The following ZFHX3 variants were observed in gnomAD, a reference collection of about 807,000 sequenced individuals.
ZFHX3 encodes zinc finger homeobox protein 3.
In ZFHX3, 42 loss-of-function variants were observed where a neutral mutation model predicts 279.1. The observed-to-expected ratio is 0.15, with a 90% CI of 0.12 to 0.19. The LOEUF is 0.19. Among genes scored for constraint, ZFHX3 ranks in the 10% least tolerant of loss-of-function variants. The probability of loss-of-function intolerance (pLI) is 1.00; values close to 1 mark genes in which losing one functional copy is unlikely to be tolerated. For synonymous variants in ZFHX3, 2,293 were observed against 1,957.8 expected (o/e 1.17, Z -4.52); for missense variants, 4,981 against 4,754.0 (o/e 1.05, Z -1.40).
At chr16:73,665,245 G>T (rs956567577) in intron 2 of ZFHX3, among the ~76,000 whole-genome samples, 1 of 140,580 alleles carries the variant, frequency 7.1e-6, no homozygotes, top group East Asian at 2.1e-4. Flanking sequence ...ACAGAGTCTC[G>T]CTCTGTTGCG....
intron 2 of ZFHX3, among the ~76,000 whole-genome samples, chr16:73,549,879 T>C (rs1160263056): frequency 7.2e-5 from 11 of 151,890 alleles, no homozygotes; most frequent in East Asian, 1.9e-4. Context: ...TTTTTTTTTT[T>C]CCCATCAAAA....
chr16:73,319,434 C>T (rs542606066), intron 3 of ZFHX3, among the ~76,000 whole-genome samples: 4 of 152,046 alleles, frequency 2.6e-5, no homozygotes, highest in East Asian at 1.9e-4. Flanking sequence ...GGGTCTAATT[C>T]GGGTCCCACA....
chr16:73,111,201 A>G (rs915997781), intron 7 of ZFHX3, among the ~76,000 whole-genome samples: 2 of 152,202 alleles, frequency 1.3e-5, no homozygotes, highest in Non-Finnish European at 2.9e-5. Context: ...TCAGCCTTCC[A>G]AAGAGTTGGG....
intron 4 of ZFHX3, among the ~76,000 whole-genome samples, chr16:73,265,340 T>C (rs1404855296): frequency 6.6e-6 from 1 of 152,090 alleles, no homozygotes; most frequent in South Asian, 2.1e-4. Flanking sequence ...GGAGCCATGC[T>C]GGTGGGAGGA....
At chr16:73,692,538 C>T (rs906677998) in intron 1 of ZFHX3, among the ~76,000 whole-genome samples, 2 of 152,298 alleles carry the variant, frequency 1.3e-5, no homozygotes, top group East Asian at 3.9e-4. Flanking sequence ...GATTCCAACA[C>T]AGTAACAAAG....
intron 8 of ZFHX3, among the ~76,000 whole-genome samples, chr16:73,080,578 T>C (rs1965931242): frequency 6.6e-6 from 1 of 152,056 alleles, no homozygotes. Flanking sequence ...TGACTTTTTC[T>C]TTGTTTTTTT....
At chr16:73,537,557 T>C (rs935171782) in intron 2 of ZFHX3, among the ~76,000 whole-genome samples, 2 of 152,080 alleles carry the variant, frequency 1.3e-5, no homozygotes, top group South Asian at 4.1e-4. Context: ...ACCTCGTGAT[T>C]CACCCGCCTC....
chr16:73,316,405 C>T (rs935508880), intron 4 of ZFHX3, among the ~76,000 whole-genome samples: 1 of 152,168 alleles, frequency 6.6e-6, no homozygotes. Flanking sequence ...ACCCCCAACA[C>T]TCTTGACTGT....
intron 3 of ZFHX3, among the ~76,000 whole-genome samples, chr16:73,453,739 A>G (rs1394900454): frequency 6.6e-6 from 1 of 152,232 alleles, no homozygotes; most frequent in African/African-American, 2.4e-5. Context: ...ACAGTTCCAC[A>G]TGGCTGGGGA....
chr16:73,509,825 A>C (rs1293772996), intron 2 of ZFHX3, among the ~76,000 whole-genome samples: 1 of 151,744 alleles, frequency 6.6e-6, no homozygotes, highest in Non-Finnish European at 1.5e-5. Flanking sequence ...CCTCCCGAGT[A>C]GCTGGGATCA....
chr16:72,894,146 C>G (rs2038838559), intron 3 of ZFHX3, among the ~76,000 whole-genome samples: 1 of 54,846 alleles, frequency 1.8e-5, no homozygotes, highest in Non-Finnish European at 3.4e-5. Context: ...AAAACTCTGT[C>G]TCAAAAAAAA....
At chr16:73,471,098 T>C (rs944898822) in intron 2 of ZFHX3, among the ~76,000 whole-genome samples, 2 of 152,220 alleles carry the variant, frequency 1.3e-5, no homozygotes, top group Non-Finnish European at 2.9e-5. Context: ...TAATGTCTAA[T>C]GACATCTATT....
intron 3 of ZFHX3, among the ~76,000 whole-genome samples, chr16:72,915,302 T>G (rs751761449): frequency 1.3e-5 from 2 of 152,186 alleles, no homozygotes; most frequent in African/African-American, 4.8e-5. Context: ...TAATACTATA[T>G]TGATCCCATC....
chr16:72,911,701 A>C (rs1256103790), intron 3 of ZFHX3, among the ~76,000 whole-genome samples: 1 of 152,250 alleles, frequency 6.6e-6, no homozygotes, highest in Non-Finnish European at 1.5e-5. Context: ...TCCCTCGGTG[A>C]CACTAGCCAC....
At chr16:73,234,371 C>A (rs1017126860) in intron 5 of ZFHX3, among the ~76,000 whole-genome samples, 1 of 152,176 alleles carries the variant, frequency 6.6e-6, no homozygotes, top group Non-Finnish European at 1.5e-5. Context: ...CACAGCCATG[C>A]GCGCCAGCCA....
chr16:73,005,721 C>CAG (rs1302915933), intron 1 of ZFHX3: 2 of 151,904 alleles, frequency 1.3e-5, no homozygotes, highest in African/African-American at 4.8e-5. Context: ...ACCCGGGAGG[C>CAG]AGAGCTTGCA....
At position 72,959,422 on chromosome 16, in the gene ZFHX3, T is replaced by C; in HGVS notation, c.724A>G (p.Lys242Glu). The change falls in exon 2 of 10, where the codon AAG (lysine) becomes GAG (glutamate). Residue 242 changes from lysine to glutamate, a missense_variant. Transcript: ENST00000268489. ...GAACCGTCGCTGTTCAGGTAATCCT[T>C]GTTGCTTTTGTGTCGCACGTCAAAC... ...RVFDVRHKSNKDYLNSDGSAK... is the reference protein window; with the variant it reads ...RVFDVRHKSNEDYLNSDGSAK... 5.0e-6 allele frequency: 8 copies of C among 1,614,220 alleles called. No homozygotes were observed. The highest frequency in any genetic ancestry group is 2.2e-5 in the East Asian group (1 of 44,876).
chr16:73,187,726 G>C (rs1967945184), intron 5 of ZFHX3, among the ~76,000 whole-genome samples: 1 of 152,208 alleles, frequency 6.6e-6, no homozygotes, highest in Non-Finnish European at 1.5e-5. Context: ...TCCTGGCTTT[G>C]TTCACGTGAA....
intron 1 of ZFHX3, among the ~76,000 whole-genome samples, chr16:73,719,645 A>AT (rs556678559): frequency 8.6e-5 from 13 of 151,896 alleles, no homozygotes; most frequent in Non-Finnish European, 1.9e-4. Context: ...TTATTTTTTT[A>AT]TTTTTTTATT....
Sources: gnomAD v4.1 joint callset for allele counts (sites outside exome capture counted in the v4.1 genomes callset) on GRCh38, gnomAD v4.1.1 for gene constraint, MANE v1.5 for transcripts, NCBI Gene and HGNC (gene_info 2026-07-23, HGNC 2026-07-21) for gene names.